SAFB: variants seen among roughly 807,000 people sequenced by gnomAD.
SAFB encodes scaffold attachment factor B1.
In SAFB, 15 loss-of-function variants were observed where a neutral mutation model predicts 101.6. The ratio of observed to expected loss-of-function variants is 0.15; its 90% CI spans 0.10 to 0.23. The LOEUF is 0.23. Ranked by LOEUF, SAFB falls within the 10% of genes least tolerant of loss-of-function variation. The pLI is 1.00. For synonymous variants in SAFB, 449 were observed against 407.5 expected, an observed-to-expected ratio of 1.10 and a Z score of -1.23; for missense variants, 930 against 1,104.1, an observed-to-expected ratio of 0.84 and a Z score of 2.23.
At chr19:5,634,751 G>C (rs1475230789) in intron 2 of SAFB, among the ~76,000 whole-genome samples, 1 of 152,128 alleles carries the variant, frequency 6.6e-6, no homozygotes, top group Non-Finnish European at 1.5e-5. Context: ...AAAAGCAGAT[G>C]TGGCCTAGAG....
chr19:5,645,377 C>T lies in SAFB; in HGVS notation c.587C>T (p.Ser196Leu). ...KETINNLDTS[S>L]SDFTILQEIE... ...ACTATAAACAATTTAGATACTTCAT[C>T]ATCTGACTTCACTATATTACAGGTA... is the stretch of plus-strand genomic sequence containing the variant. Residue 196 changes from serine (S) to leucine (L), a missense_variant, in exon 5 of 21, where the codon TCA (serine) becomes TTA (leucine). Ser to Leu is a moderately radical substitution (Grantham distance 145). Coordinates refer to ENST00000588852, the MANE Select transcript of SAFB (RefSeq NM_001201338.2). 7.3e-7 allele frequency: 1 copy of T among 1,376,014 alleles called. No individual in the cohort carries two copies. Among genetic ancestry groups the T allele is most frequent in the African/African-American group, 1.4e-5 (1 of 70,406 alleles). The allele number at this position is 1,376,014 out of a possible 1,614,324, so 85.2% of individuals were successfully genotyped here. A position where few individuals can be genotyped will look rare whatever the true frequency, so the allele number is the denominator to read the frequency against.
At chr19:5,629,425 G>GA (rs765021854) in intron 2 of SAFB, among the ~76,000 whole-genome samples, 1 of 151,670 alleles carries the variant, frequency 6.6e-6, no homozygotes, top group Non-Finnish European at 1.5e-5. Context: ...GTGAGAGGGG[G>GA]AAAAAAGTAA....
rs140916121 is a variant in SAFB at position 5,648,450 on chromosome 19, C to T, written c.637+407C>T. On this transcript the variant is annotated intron_variant, in intron 6 of 20. Coordinates refer to ENST00000588852, the MANE Select transcript of SAFB (RefSeq NM_001201338.2). ...CAGCTCAGGTAGTGGTAGGGAGATA[C>T]ATTTTAAAACATAAATTTGAGACAT... is the stretch of plus-strand genomic sequence containing the variant. 1.4e-5 allele frequency: 4 copies of T among 277,424 alleles called. 1 individual carries two copies. Among genetic ancestry groups the T allele is most frequent in the South Asian group, 1.2e-4 (3 of 24,680 alleles). The allele number at this position is 277,424 out of a possible 1,614,324, so 17.2% of individuals were successfully genotyped here. A position where few individuals can be genotyped will look rare whatever the true frequency, so the allele number is the denominator to read the frequency against.
In SAFB at chr19:5,659,948, A is replaced by T. The variant is rs144343817; in HGVS notation, c.1863-1570A>T. ...TGGACACAACTGAAAAGTTCCCATAAACCGCAGCCCTTTCATACTAGGGGC... is the reference window on the plus strand; with the variant it reads ...TGGACACAACTGAAAAGTTCCCATATACCGCAGCCCTTTCATACTAGGGGC... On this transcript the variant is annotated intron_variant, in intron 14 of 20. Coordinates refer to ENST00000588852, the MANE Select transcript of SAFB (RefSeq NM_001201338.2). 1.6e-3 allele frequency among the ~76,000 whole-genome samples: 250 copies of T among 152,262 alleles called. 1 individual carries two copies. The highest frequency in any genetic ancestry group is 3.3e-3 in the Admixed American group (50 of 15,278).
intron 2 of SAFB, among the ~76,000 whole-genome samples, chr19:5,640,874 G>C (rs1343003363): frequency 6.6e-6 from 1 of 151,558 alleles, no homozygotes; most frequent in Non-Finnish European, 1.5e-5. Flanking sequence ...TAACAGGCAT[G>C]AGCCACCGTG....
intron 8 of SAFB, among the ~76,000 whole-genome samples, chr19:5,650,280 G>T (rs866844285): frequency 6.6e-6 from 1 of 152,180 alleles, no homozygotes; most frequent in African/African-American, 2.4e-5. Flanking sequence ...TTCTTAATCA[G>T]TGTTCTAAAG....
At chr19:5,654,513 G>T in intron 13 of SAFB, 57 bp downstream of exon 13, 1 of 1,031,070 alleles carries the variant, frequency 9.7e-7, no homozygotes, top group Non-Finnish European at 1.5e-6. Flanking sequence ...TTGTATTTCT[G>T]TGTGCGTCTT....
chr19:5,639,731 C>T (rs16993072), intron 2 of SAFB, among the ~76,000 whole-genome samples: 5,781 of 151,644 alleles, frequency 0.038, 398 homozygotes, highest in African/African-American at 0.13. Flanking sequence ...TACTCAAAAC[C>T]TGTAAACAAA....
intron 17 of SAFB, chr19:5,666,843 G>T: frequency 1.5e-6 from 1 of 658,514 alleles, no homozygotes; most frequent in Admixed American, 2.4e-5. Context: ...TACCTTTTTT[G>T]TACCAGGCCA....
chr19:5,645,806 G>GTT (rs879527434), intron 5 of SAFB, among the ~76,000 whole-genome samples: 38 of 152,274 alleles, frequency 2.5e-4, no homozygotes, highest in Admixed American at 1.5e-3. Flanking sequence ...GGGATTGAGG[G>GTT]TTGACAGAGC....
intron 17 of SAFB, 76 bp downstream of exon 17, chr19:5,664,515 C>T: frequency 2.6e-6 from 3 of 1,134,444 alleles, no homozygotes; most frequent in South Asian, 2.5e-5. Flanking sequence ...TGCCTTCTTC[C>T]TGCCCTTTCT....
intron 2 of SAFB, among the ~76,000 whole-genome samples, chr19:5,632,077 A>G (rs952353585): frequency 2.6e-5 from 4 of 152,186 alleles, no homozygotes; most frequent in Admixed American, 6.5e-5. Context: ...CCAGGAAACT[A>G]AATTTATTTG....
intron 14 of SAFB, among the ~76,000 whole-genome samples, chr19:5,660,719 AAAAAAAAAAG>A (rs2054179536): frequency 6.6e-6 from 1 of 150,702 alleles, no homozygotes; most frequent in Non-Finnish European, 1.5e-5. Flanking sequence ...AAAAAAAAAA[AAAAAAAAAAG>A]ACAGCCTGGC....
chr19:5,627,630 C>T (rs1254444945), intron 2 of SAFB, among the ~76,000 whole-genome samples: 1 of 152,164 alleles, frequency 6.6e-6, no homozygotes, highest in African/African-American at 2.4e-5. Context: ...CTCTCTTGCC[C>T]ATCCCCCACA....
chr19:5,645,416 C>G lies in SAFB; in HGVS notation c.609+17C>G. On this transcript the variant is annotated intron_variant, in intron 5 of 20. Coordinates refer to ENST00000588852, the MANE Select transcript of SAFB (RefSeq NM_001201338.2). ...ATATTACAGGTAAACTGTTGTATGT[C>G]TCAGTACTTTTAGAATGAAAGGTCA... 1 of 1,217,094 alleles carries G rather than the reference C, an allele frequency of 8.2e-7. No homozygotes were observed. Among genetic ancestry groups the G allele is most frequent in the Non-Finnish European group, 1.2e-6 (1 of 823,204 alleles). The allele number at this position is 1,217,094 out of a possible 1,614,324, so 75.4% of individuals were successfully genotyped here. A position where few individuals can be genotyped will look rare whatever the true frequency, so the allele number is the denominator to read the frequency against.
chr19:5,625,924 A>G (rs1053675750), intron 1 of SAFB, among the ~76,000 whole-genome samples: 2 of 152,200 alleles, frequency 1.3e-5, no homozygotes, highest in East Asian at 1.9e-4. Flanking sequence ...TCCACACAGT[A>G]CTGAGTACAG....
rs113663831 is a variant in SAFB at position 5,664,372 on chromosome 19, G to A, written c.2292-25G>A. 1.5e-5 allele frequency: 24 copies of A among 1,604,838 alleles called. No homozygotes were observed. The highest frequency in any genetic ancestry group is 1.7e-4 in the Middle Eastern group (1 of 6,034). On this transcript the variant is annotated intron_variant, in intron 16 of 20. Coordinates refer to ENST00000588852, the MANE Select transcript of SAFB (RefSeq NM_001201338.2). ...TGAACAAGCCTCTTCTTCCCCTTAC[G>A]GTTTGATTTAAATTGCCTTTTCAGG...
Position 5,668,455 on chromosome 19 carries a change from G to T in SAFB, c.*164G>T. ...GGGGTTTTTTTTTTTTGTAATAAAT[G>T]TGTTTCCGTTCACATACCCTTTATT... On this transcript the variant is annotated 3_prime_UTR_variant, in exon 21 of 21. Coordinates refer to ENST00000588852, the MANE Select transcript of SAFB (RefSeq NM_001201338.2). The T allele has an allele frequency of 5.8e-6, 4 of 687,422 alleles. No individual in the cohort carries two copies. Among genetic ancestry groups the T allele is most frequent in the Non-Finnish European group, 9.1e-6 (4 of 438,842 alleles). 42.6% of individuals were successfully genotyped at this position (687,422 alleles called of 1,614,324 possible).
intron 15 of SAFB, among the ~76,000 whole-genome samples, 170 bp from the exon 16 acceptor site, chr19:5,663,852 A>T (rs1361884471): frequency 6.6e-6 from 1 of 152,190 alleles, no homozygotes; most frequent in Non-Finnish European, 1.5e-5. Flanking sequence ...GACAAAACAA[A>T]ACAACTGTGC....
Sources: allele counts gnomAD v4.1 joint callset (sites outside exome capture counted in the v4.1 genomes callset), GRCh38; gene constraint gnomAD v4.1.1; transcripts MANE v1.5; gene names NCBI Gene and HGNC (gene_info 2026-07-23, HGNC 2026-07-21).